Variants in TOP1MT observed in about 807,000 individuals in gnomAD.
TOP1MT encodes the protein DNA topoisomerase I, mitochondrial.
Under a neutral mutation model 73.9 loss-of-function variants are expected in TOP1MT, and 80 were observed. The observed-to-expected ratio is 1.08, with a 90% CI of 0.90 to 1.30. The LOEUF is 1.30. Ranked by LOEUF, TOP1MT falls within the 50% of genes most tolerant of loss-of-function variation. The pLI, the probability that TOP1MT is intolerant of heterozygous loss-of-function variation, is 0.00. For synonymous variants in TOP1MT, 338 were observed against 326.4 expected (o/e 1.04, Z -0.38); for missense variants, 815 against 808.0 (o/e 1.01, Z -0.10).
At chr8:143,322,651 A>G (rs185731456) in intron 7 of TOP1MT, among the ~76,000 whole-genome samples, 30 of 77,752 alleles carry the variant, frequency 3.9e-4, no homozygotes, top group African/African-American at 5.4e-4. Context: ...CGCCACACGC[A>G]CACCACACAC....
At chr8:143,335,748 C>T (rs1301418817), upstream of TOP1MT, among the ~76,000 whole-genome samples, 1 of 152,250 alleles carries the variant, frequency 6.6e-6, no homozygotes, top group Non-Finnish European at 1.5e-5. Context: ...TCACTGTGAC[C>T]GTTGGGGGGA....
At chr8:143,320,844 A>C (rs1816315398) in intron 8 of TOP1MT, among the ~76,000 whole-genome samples, 2 of 152,086 alleles carry the variant, frequency 1.3e-5, no homozygotes, top group East Asian at 1.9e-4. Flanking sequence ...CAGCACCTTG[A>C]CTCAGACTCT....
chr8:143,317,272 G>A (rs1816193966), intron 10 of TOP1MT, among the ~76,000 whole-genome samples: 1 of 152,184 alleles, frequency 6.6e-6, no homozygotes, highest in Non-Finnish European at 1.5e-5. Context: ...AGCATCCCCA[G>A]GTTGATGGCA....
At chr8:143,352,330 T>C (rs1467859108) in intron 1 of TOP1MT, among the ~76,000 whole-genome samples, 1 of 152,086 alleles carries the variant, frequency 6.6e-6, no homozygotes, top group Non-Finnish European at 1.5e-5. Context: ...CGGGGCACTG[T>C]CAGAAGGACA....
At chr8:143,319,270 G>A (rs183893912) in intron 8 of TOP1MT, among the ~76,000 whole-genome samples, 250 of 150,906 alleles carry the variant, frequency 1.7e-3, no homozygotes, top group South Asian at 9.7e-3. Context: ...TCCATCCCAC[G>A]GTTGGGTCAC....
chr8:143,348,016 A>G (rs1817258044), upstream of TOP1MT, among the ~76,000 whole-genome samples: 1 of 152,130 alleles, frequency 6.6e-6, no homozygotes, highest in Non-Finnish European at 1.5e-5. This position sits in a 1 kb window ranked among gnomAD's most constrained non-coding sequence, Gnocchi z 4.6. Flanking sequence ...GGGCCTCCAC[A>G]TCCCACAGCA....
In TOP1MT at chr8:143,320,676, G is replaced by A. The variant is rs190130251; in HGVS notation, c.1146+525C>T. On this transcript the variant is annotated intron_variant, in intron 8 of 13. Transcript: ENST00000329245. ...TACGACAGCGTCCTTGTGAGAACAC[G>A]CAGAGGCAGAGATGCAGGGAGAAGA... is the stretch of plus-strand genomic sequence containing the variant. Among the ~76,000 whole-genome samples, 77 of 152,334 alleles carry A rather than the reference G, an allele frequency of 5.1e-4. 1 individual carries two copies. Among genetic ancestry groups the A allele is most frequent in the Non-Finnish European group, 1.0e-4 (7 of 68,020 alleles).
chr8:143,351,094 C>A (rs1427295552), intron 1 of TOP1MT, among the ~76,000 whole-genome samples: 1 of 152,208 alleles, frequency 6.6e-6, no homozygotes, highest in Non-Finnish European at 1.5e-5. Context: ...CCTGGCCTGC[C>A]TTCAGCAAGA....
intron 7 of TOP1MT, 122 bp downstream of exon 7, chr8:143,323,877 C>G: frequency 9.2e-7 from 1 of 1,085,362 alleles, no homozygotes; most frequent in Non-Finnish European, 1.3e-6. Context: ...ACACACCCCC[C>G]CCATCAGAAT....
upstream of TOP1MT, among the ~76,000 whole-genome samples, chr8:143,337,827 T>TA (rs1274104895): frequency 1.3e-5 from 2 of 152,206 alleles, no homozygotes; most frequent in African/African-American, 4.8e-5. Context: ...GCCTGGTAGT[T>TA]AAAGATCGGC....
At chr8:143,339,753 G>T (rs939812334), upstream of TOP1MT, among the ~76,000 whole-genome samples, 8 of 149,138 alleles carry the variant, frequency 5.4e-5, no homozygotes, top group Non-Finnish European at 8.9e-5. Flanking sequence ...AAGTGGGCCT[G>T]TGCTGGTCTA....
At chr8:143,321,857 C>G (rs1586757938) in intron 7 of TOP1MT, among the ~76,000 whole-genome samples, 6 of 88,652 alleles carry the variant, frequency 6.8e-5, no homozygotes, top group African/African-American at 1.5e-4. Flanking sequence ...ACGCCACACA[C>G]GCATGCCACA....
chr8:143,309,882 G>A (rs747023829), intron 13 of TOP1MT, 186 bp downstream of exon 13: 24 of 1,551,722 alleles, frequency 1.5e-5, no homozygotes, highest in East Asian at 9.6e-5. Context: ...CTGTCCATCC[G>A]AACGTTCAGG....
chr8:143,322,121 A>ACACATAGGCATGC (rs1563758776), intron 7 of TOP1MT, among the ~76,000 whole-genome samples: 1 of 51,450 alleles, frequency 1.9e-5, no homozygotes, highest in African/African-American at 4.4e-5. Context: ...TGCACGCCAC[A>ACACATAGGCATGC]CACACAGGCA....
At position 143,344,251 on chromosome 8, in the gene TOP1MT, A is replaced by C. The variant is rs748063333; in HGVS notation, c.-39+665T>G. ...AGGGAGGGAAGGGCAGCAGACACCC[A>C]CGGTCCTCTCAGGATGTGCTGACTG... is the stretch of plus-strand genomic sequence containing the variant. On this transcript the variant is annotated intron_variant, in intron 1 of 5. Coordinates refer to the TOP1MT transcript ENST00000518007. The surrounding 1 kb of genome is among the most constrained non-coding windows in gnomAD (Gnocchi z 4.6). The C allele has an allele frequency of 1.3e-5, 2 of 152,314 alleles. No homozygotes were observed. The highest frequency in any genetic ancestry group is 3.9e-4 in the East Asian group (2 of 5,164). The allele number at this position is 152,314 out of a possible 1,614,324, so 9.4% of individuals were successfully genotyped here. A position where few individuals can be genotyped will look rare whatever the true frequency, so the allele number is the denominator to read the frequency against.
rs1334175362 is a variant in TOP1MT, at chr8:143,310,064, G to T, written c.1703+4C>A. ...GTGGGAACTGAGACCCCAGGCACAC[G>T]CACCAGGCAATGCTGATCCTGGGGT... is the stretch of plus-strand genomic sequence containing the variant. On this transcript the variant is annotated splice_donor_region_variant and intron_variant, in intron 13 of 13. Coordinates refer to ENST00000329245, the MANE Select transcript of TOP1MT (RefSeq NM_052963.3). 1 of 1,611,508 alleles carries T rather than the reference G, an allele frequency of 6.2e-7. No individual in the cohort carries two copies. Among genetic ancestry groups the T allele is most frequent in the Non-Finnish European group, 8.5e-7 (1 of 1,179,848 alleles).
intron 1 of TOP1MT, among the ~76,000 whole-genome samples, chr8:143,351,758 G>A (rs1817324291): frequency 1.3e-5 from 2 of 152,110 alleles, no homozygotes; most frequent in Admixed American, 1.3e-4. Context: ...GCTATCCTGT[G>A]TTCATGGACT....
intron 7 of TOP1MT, among the ~76,000 whole-genome samples, chr8:143,322,377 CCA>C (rs1304100925): frequency 5.4e-5 from 5 of 92,592 alleles, no homozygotes; most frequent in Non-Finnish European, 6.7e-5. Flanking sequence ...CACAGGCACG[CCA>C]CACACGCACG....
At chr8:143,354,949 G>C (rs1358711030) in intron 1 of TOP1MT, among the ~76,000 whole-genome samples, 1 of 152,194 alleles carries the variant, frequency 6.6e-6, no homozygotes, top group Non-Finnish European at 1.5e-5. Context: ...AAACAGTCAC[G>C]CAATTTTGTG....
Sources: allele counts gnomAD v4.1 joint callset (sites outside exome capture counted in the v4.1 genomes callset), GRCh38; gene constraint gnomAD v4.1.1; non-coding constraint Gnocchi (gnomAD v3.1); transcripts MANE v1.5; gene names NCBI Gene and HGNC (gene_info 2026-07-23, HGNC 2026-07-21).